The following MTARC2 variants were observed in gnomAD, a reference collection of about 807,000 sequenced individuals.
MTARC2 encodes MOCO sulphurase C-terminal domain containing 2.
In MTARC2, 27 loss-of-function variants were observed where a neutral mutation model predicts 35.6. The ratio of observed to expected loss-of-function variants is 0.76; its 90% CI spans 0.56 to 1.04. MTARC2 has a LOEUF of 1.04. Among genes scored for constraint, MTARC2 ranks in the 50% least tolerant of loss-of-function variants. The probability of loss-of-function intolerance (pLI) is 0.00; values close to 1 mark genes in which losing one functional copy is unlikely to be tolerated. For missense variants in MTARC2, 412 were observed against 432.5 expected (o/e 0.95, Z 0.42); for synonymous variants, 158 against 167.1 (o/e 0.95, Z 0.42).
rs770025594 is a variant in MTARC2 at position 220,761,700 on chromosome 1, G to A, written c.489G>A (p.Glu163=). 6.2e-6 allele frequency: 10 copies of A among 1,614,096 alleles called. No homozygotes were observed. Among genetic ancestry groups the A allele is most frequent in the Non-Finnish European group, 7.6e-6 (9 of 1,180,004 alleles). The change falls in exon 3 of 8, where the codon GAG becomes GAA. Residue 163 remains glutamate (E), a synonymous_variant. Coordinates refer to ENST00000366913, the MANE Select transcript of MTARC2 (RefSeq NM_017898.5). ...TTAAAGGCAGAGACTGTGGCAATGAGGCAGCTAAGTGGTTCACCAACTTCT... is the reference window on the plus strand; with the variant it reads ...TTAAAGGCAGAGACTGTGGCAATGAAGCAGCTAAGTGGTTCACCAACTTCT... The part of the protein sequence containing the change: ...LDIKGRDCGN[E]AAKWFTNFLK...
chr1:220,760,522 C>T (rs1278430642), intron 2 of MTARC2, among the ~76,000 whole-genome samples: 1 of 152,122 alleles, frequency 6.6e-6, no homozygotes, highest in East Asian at 1.9e-4. Flanking sequence ...TTGTCTTATT[C>T]TAGCAATATG....
intron 4 of MTARC2, among the ~76,000 whole-genome samples, chr1:220,773,170 T>C (rs1318821370): frequency 6.6e-6 from 1 of 152,154 alleles, no homozygotes; most frequent in Non-Finnish European, 1.5e-5. Context: ...AGCCCTGATC[T>C]CAGGGGAAGG....
At chr1:220,775,563 T>C (rs1240624613) in intron 4 of MTARC2, among the ~76,000 whole-genome samples, 2 of 152,164 alleles carry the variant, frequency 1.3e-5, no homozygotes, top group Non-Finnish European at 2.9e-5. Flanking sequence ...GGGGTACAGG[T>C]GCAGGTTTTT....
intron 4 of MTARC2, among the ~76,000 whole-genome samples, chr1:220,764,553 G>A (rs569672400): frequency 2.6e-5 from 4 of 152,238 alleles, no homozygotes; most frequent in East Asian, 1.9e-4. Flanking sequence ...TTGGGAGGCC[G>A]AAGCAGGAGG....
At chr1:220,752,594 C>T (rs1157784781) in intron 1 of MTARC2, among the ~76,000 whole-genome samples, 2 of 152,168 alleles carry the variant, frequency 1.3e-5, no homozygotes, top group Non-Finnish European at 1.5e-5. Context: ...GTAATCTCAG[C>T]ACTTTGGGAG....
At chr1:220,770,192 G>A (rs1049400079) in intron 4 of MTARC2, among the ~76,000 whole-genome samples, 1 of 152,098 alleles carries the variant, frequency 6.6e-6, no homozygotes, top group Admixed American at 6.6e-5. Context: ...AAGTGAACTC[G>A]TTTAATCTTA....
At chr1:220,751,244 G>A (rs1450561199) in intron 1 of MTARC2, among the ~76,000 whole-genome samples, 2 of 152,140 alleles carry the variant, frequency 1.3e-5, no homozygotes, top group African/African-American at 4.8e-5. Flanking sequence ...AAGGTATTTT[G>A]TTCAAAGCTC....
At chr1:220,777,087 T>A (rs537857443) in intron 4 of MTARC2, among the ~76,000 whole-genome samples, 1 of 152,364 alleles carries the variant, frequency 6.6e-6, no homozygotes, top group East Asian at 1.9e-4. Flanking sequence ...TTGTAATAAG[T>A]CCTGAGTAGG....
chr1:220,763,614 C>T (rs1671499724), intron 4 of MTARC2, among the ~76,000 whole-genome samples: 1 of 152,116 alleles, frequency 6.6e-6, no homozygotes, highest in African/African-American at 2.4e-5. Context: ...CATCAGAACC[C>T]AGTAGAAACC....
intron 2 of MTARC2, 24 bp downstream of exon 2, chr1:220,755,144 A>G: frequency 6.3e-7 from 1 of 1,577,656 alleles, no homozygotes; most frequent in Non-Finnish European, 8.6e-7. Flanking sequence ...GGGCATCCAC[A>G]GAACTGCAAC....
chr1:220,757,094 G>A (rs1341537872), intron 2 of MTARC2, among the ~76,000 whole-genome samples: 3 of 152,242 alleles, frequency 2.0e-5, no homozygotes, highest in African/African-American at 7.2e-5. Flanking sequence ...TAGAAATGGG[G>A]TTTCACCATG....
chr1:220,783,949 T>A lies in MTARC2; in HGVS notation c.*62T>A. ...AGCAACCAGGAGGGATTGACTGAGATCTTAACAACAGCAGCAACGATACAT... is the reference window on the plus strand; with the variant it reads ...AGCAACCAGGAGGGATTGACTGAGAACTTAACAACAGCAGCAACGATACAT... On this transcript the variant is annotated 3_prime_UTR_variant, in exon 8 of 8. Coordinates refer to ENST00000366913, the MANE Select transcript of MTARC2 (RefSeq NM_017898.5). 1 of 717,522 alleles carries A rather than the reference T, an allele frequency of 1.4e-6. No individual in the cohort carries two copies. The highest frequency in any genetic ancestry group is 2.6e-6 in the Non-Finnish European group (1 of 385,096). The allele number at this position is 717,522 out of a possible 1,614,324, so 44.4% of individuals were successfully genotyped here.
At chr1:220,777,794 C>T (rs1338732263) in intron 4 of MTARC2, among the ~76,000 whole-genome samples, 1 of 152,164 alleles carries the variant, frequency 6.6e-6, no homozygotes, top group East Asian at 1.9e-4. Flanking sequence ...CTACATACAT[C>T]CCCTCCCGTG....
At chr1:220,781,743 T>A in intron 6 of MTARC2, 35 bp from the exon 7 acceptor site, 2 of 1,610,806 alleles carry the variant, frequency 1.2e-6, no homozygotes, top group Non-Finnish European at 1.7e-6. Context: ...TTATTTCCTT[T>A]TTGTGTCTGA....
Position 220,761,783 on chromosome 1 carries a change from C to G in MTARC2, c.572C>G (p.Ser191Ter). The G allele has an allele frequency of 6.2e-7, 1 of 1,612,794 alleles. No homozygotes were observed. The highest frequency in any genetic ancestry group is 8.5e-7 in the Non-Finnish European group (1 of 1,179,656). The change falls in exon 3 of 8, where the codon TCA becomes TGA. Residue 191 changes from serine (S) to a stop codon, truncating the protein, a stop_gained. Transcript: ENST00000366913. LOFTEE classifies it high-confidence loss of function. ...QFETNMKGRTSRKLLPTLDQN... is the reference protein window; with the variant it reads ...QFETNMKGRT Reference sequence around the variant, plus strand: ...GAGACAAACATGAAGGGAAGAACATCAAGAAAACTTCTCCCCACTCTTGAT... The same window carrying G: ...GAGACAAACATGAAGGGAAGAACATGAAGAAAACTTCTCCCCACTCTTGAT...
intron 2 of MTARC2, chr1:220,756,317 C>A (rs554094055): frequency 6.6e-6 from 1 of 152,360 alleles, no homozygotes; most frequent in East Asian, 1.9e-4. Context: ...TCCGTGAACT[C>A]TCATCTTACG....
At chr1:220,755,745 T>C (rs887176406) in intron 2 of MTARC2, among the ~76,000 whole-genome samples, 2 of 152,188 alleles carry the variant, frequency 1.3e-5, no homozygotes, top group African/African-American at 4.8e-5. Flanking sequence ...CTATTATTTC[T>C]AGGAATTGGT....
At chr1:220,764,200 T>A (rs1289152681) in intron 4 of MTARC2, among the ~76,000 whole-genome samples, 1 of 152,068 alleles carries the variant, frequency 6.6e-6, no homozygotes. Flanking sequence ...TTTGTGTGAT[T>A]CTCCTGCCTT....
At chr1:220,762,529 C>T (rs533208662) in intron 3 of MTARC2, among the ~76,000 whole-genome samples, 1 of 152,292 alleles carries the variant, frequency 6.6e-6, no homozygotes, top group African/African-American at 2.4e-5. Context: ...GGTAGGTGCT[C>T]AGTAAATGCC....
Sources: allele counts gnomAD v4.1 joint callset (sites outside exome capture counted in the v4.1 genomes callset), GRCh38; gene constraint gnomAD v4.1.1; transcripts MANE v1.5; gene names NCBI Gene and HGNC (gene_info 2026-07-23, HGNC 2026-07-21).